The following NRXN1 variants were observed in gnomAD, a reference collection of about 807,000 sequenced individuals.
The protein encoded by NRXN1 is neurexin-1.
NRXN1 carries 39 observed loss-of-function variants against 150.9 expected under a neutral mutation model. The observed-to-expected ratio is 0.26, with a 90% confidence interval of 0.20 to 0.34. NRXN1 has a LOEUF of 0.34. NRXN1 is among the 10% of genes least tolerant of loss of function. The pLI, the probability that NRXN1 is intolerant of heterozygous loss-of-function variation, is 1.00. For missense variants in NRXN1, 1,815 were observed against 1,949.9 expected (o/e 0.93, Z 1.30); for synonymous variants, 924 against 757.0 (o/e 1.22, Z -3.62).
At chr2:49,951,893 T>C (rs1277722526) in intron 21 of NRXN1, among the ~76,000 whole-genome samples, 1 of 151,966 alleles carries the variant, frequency 6.6e-6, no homozygotes, top group South Asian at 2.1e-4. Flanking sequence ...GATTGCAAAA[T>C]GCCTATGATG....
At chr2:50,045,156 C>CCAACAACAA (rs150907464) in intron 21 of NRXN1, among the ~76,000 whole-genome samples, 3 of 150,702 alleles carry the variant, frequency 2.0e-5, no homozygotes, top group African/African-American at 7.3e-5. Context: ...TTCAGTGATA[C>CCAACAACAA]CAACAACAAC....
At chr2:50,066,848 T>C (rs560270328) in intron 19 of NRXN1, among the ~76,000 whole-genome samples, 4 of 152,328 alleles carry the variant, frequency 2.6e-5, no homozygotes, top group East Asian at 3.9e-4. Flanking sequence ...TTTTATATTA[T>C]TGATACTGCA....
intron 2 of NRXN1, among the ~76,000 whole-genome samples, chr2:50,940,066 A>G (rs1689171178): frequency 6.6e-6 from 1 of 152,184 alleles, no homozygotes; most frequent in African/African-American, 2.4e-5. Context: ...AAATAGAATT[A>G]TTTCCTATTT....
At chr2:50,048,321 AAAAT>A (rs1330295658) in intron 21 of NRXN1, among the ~76,000 whole-genome samples, 2 of 152,156 alleles carry the variant, frequency 1.3e-5, no homozygotes, top group African/African-American at 4.8e-5. Flanking sequence ...TGGACTAGGG[AAAAT>A]AAATTAATTA....
intron 5 of NRXN1, among the ~76,000 whole-genome samples, chr2:50,669,338 A>G (rs907033891): frequency 6.6e-5 from 10 of 151,984 alleles, no homozygotes; most frequent in African/African-American, 2.4e-4. Flanking sequence ...GAAAAGTCCC[A>G]GAGAGGTTTT....
chr2:50,351,439 GA>G (rs892181742), intron 17 of NRXN1, among the ~76,000 whole-genome samples: 1 of 152,062 alleles, frequency 6.6e-6, no homozygotes, highest in African/African-American at 2.4e-5. Context: ...AATATCTGTT[GA>G]AAATAAGTTA....
chr2:50,475,594 T>C (rs547728491), intron 15 of NRXN1, among the ~76,000 whole-genome samples: 3 of 152,038 alleles, frequency 2.0e-5, no homozygotes, highest in Non-Finnish European at 4.4e-5. Context: ...AAAATATCAG[T>C]TCAAGCAGTG....
intron 19 of NRXN1, among the ~76,000 whole-genome samples, chr2:50,091,059 T>A (rs898051373): frequency 3.9e-5 from 6 of 152,238 alleles, no homozygotes; most frequent in Non-Finnish European, 8.8e-5. Flanking sequence ...GTTGTGCTTT[T>A]TATGTGTGCA....
chr2:50,683,646 A>AAAAAAAAATATATATATATATATATAT, intron 5 of NRXN1, among the ~76,000 whole-genome samples: 1 of 14,904 alleles, frequency 6.7e-5, no homozygotes, highest in African/African-American at 3.6e-4. Context: ...AAAAAAAAAA[A>AAAAAAAAATATATATATATATATATAT]ATATATATAT....
chr2:50,552,564 G>A (rs201138752), intron 9 of NRXN1, 23 bp downstream of exon 9: 3 of 1,578,038 alleles, frequency 1.9e-6, no homozygotes, highest in Non-Finnish European at 2.6e-6. Context: ...CAGATAAACA[G>A]CATAGAAAAA....
Position 49,941,727 on chromosome 2 carries a change from C to T in NRXN1, c.4216+1977G>A, listed in dbSNP as rs185819238. Reference sequence around the variant, plus strand: ...GTAAAATACTGAAAAATGGATTACCCTGAAGAAAACACTAATTGAGAAAAC... The same window carrying T: ...GTAAAATACTGAAAAATGGATTACCTTGAAGAAAACACTAATTGAGAAAAC... On this transcript the variant is annotated intron_variant, in intron 22 of 22. Transcript: ENST00000401669. Among the ~76,000 whole-genome samples, 33 of 152,182 alleles carry T rather than the reference C, an allele frequency of 2.2e-4. No homozygotes were observed. The East Asian group carries it at 6.4e-3, about 30-fold the overall frequency.
At chr2:50,952,250 G>T (rs1691509443) in intron 2 of NRXN1, among the ~76,000 whole-genome samples, 2 of 151,988 alleles carry the variant, frequency 1.3e-5, no homozygotes, top group Admixed American at 6.6e-5. Context: ...ACAGGCGTGA[G>T]CCACGAATAA....
intron 15 of NRXN1, among the ~76,000 whole-genome samples, chr2:50,487,102 C>A (rs751329087): frequency 6.6e-6 from 1 of 152,100 alleles, no homozygotes; most frequent in South Asian, 2.1e-4. Flanking sequence ...GTGATAAGAA[C>A]AGCAACTTCA....
chr2:49,943,510 T>G (rs1672361942), intron 22 of NRXN1, among the ~76,000 whole-genome samples, 194 bp downstream of exon 22: 1 of 152,216 alleles, frequency 6.6e-6, no homozygotes, highest in South Asian at 2.1e-4. Flanking sequence ...ATACATAATC[T>G]TGGCATGTTT....
intron 21 of NRXN1, among the ~76,000 whole-genome samples, chr2:50,046,704 G>A (rs185437143): frequency 7.6e-4 from 115 of 152,226 alleles, no homozygotes; most frequent in African/African-American, 2.6e-3. Flanking sequence ...CAGCTAGTAC[G>A]TGGTAAACAC....
chr2:50,098,830 G>GTTTTTTTTTTTTTTT (rs746736925), intron 18 of NRXN1, among the ~76,000 whole-genome samples: 15 of 105,536 alleles, frequency 1.4e-4, no homozygotes, highest in South Asian at 3.4e-4. Flanking sequence ...TTTGGTTTTA[G>GTTTTTTTTTTTTTTT]TTTTTTTTTT....
At chr2:50,429,398 A>T (rs758937052) in intron 17 of NRXN1, among the ~76,000 whole-genome samples, 24 of 152,132 alleles carry the variant, frequency 1.6e-4, no homozygotes, top group Non-Finnish European at 3.1e-4. Flanking sequence ...CTGAAATTAC[A>T]GGCACATGCC....
intron 18 of NRXN1, among the ~76,000 whole-genome samples, chr2:50,229,833 T>C (rs978341874): frequency 6.6e-6 from 1 of 152,080 alleles, no homozygotes; most frequent in African/African-American, 2.4e-5. Flanking sequence ...AAATAGTTAG[T>C]AGCTATAGAA....
At chr2:50,950,524 G>A (rs999355512) in intron 2 of NRXN1, among the ~76,000 whole-genome samples, 3 of 152,070 alleles carry the variant, frequency 2.0e-5, no homozygotes, top group Admixed American at 6.6e-5. Context: ...CATGTATCAC[G>A]GTTTCTCACC....
Sources: gnomAD v4.1 joint callset for allele counts (sites outside exome capture counted in the v4.1 genomes callset) on GRCh38, gnomAD v4.1.1 for gene constraint, MANE v1.5 for transcripts, NCBI Gene and HGNC (gene_info 2026-07-23, HGNC 2026-07-21) for gene names.